Variants in COPS3 observed in about 807,000 individuals in gnomAD.
COPS3 encodes COP9 signalosome subunit 3, also known as COP9 signalosome complex subunit 3.
Under a neutral mutation model 58.2 loss-of-function variants are expected in COPS3, and 10 were observed. The observed-to-expected ratio is 0.17, with a 90% confidence interval of 0.11 to 0.29. The LOEUF is 0.29. Among genes scored for constraint, COPS3 ranks in the 10% least tolerant of loss-of-function variants. The pLI is 1.00. For missense variants in COPS3, 333 were observed against 510.1 expected (o/e 0.65, Z 3.34); for synonymous variants, 187 against 181.7 (o/e 1.03, Z -0.24).
chr17:17,275,009 T>A (rs1295172335), intron 2 of COPS3, among the ~76,000 whole-genome samples: 2 of 152,010 alleles, frequency 1.3e-5, no homozygotes, highest in Non-Finnish European at 2.9e-5. Flanking sequence ...ATCTTTAACT[T>A]AAGCTGCTGC....
intron 9 of COPS3, among the ~76,000 whole-genome samples, chr17:17,251,857 CAGG>C (rs1372867506): frequency 1.3e-5 from 2 of 151,732 alleles, no homozygotes; most frequent in African/African-American, 4.8e-5. Context: ...AGGCCGAGGT[CAGG>C]AGATCAAGAC....
intron 9 of COPS3, 50 bp downstream of exon 9, chr17:17,254,809 A>G: frequency 8.0e-7 from 1 of 1,252,404 alleles, no homozygotes; most frequent in Non-Finnish European, 1.1e-6. Flanking sequence ...ACTCCATCTC[A>G]AAAAGAAAAA....
intron 10 of COPS3, chr17:17,247,921 G>A (rs2047758599): frequency 5.7e-6 from 1 of 174,666 alleles, no homozygotes; most frequent in Non-Finnish European, 1.2e-5. Context: ...TTAATATTCA[G>A]TTCACTTCCC....
chr17:17,271,832 A>C (rs1229527119), intron 2 of COPS3, among the ~76,000 whole-genome samples: 1 of 77,768 alleles, frequency 1.3e-5, no homozygotes, highest in Non-Finnish European at 2.7e-5. Context: ...AAAAAAATCT[A>C]TATATATCTA....
chr17:17,261,200 T>C (rs2145214496), intron 7 of COPS3, among the ~76,000 whole-genome samples: 1 of 152,280 alleles, frequency 6.6e-6, no homozygotes, highest in East Asian at 1.9e-4. Flanking sequence ...CCTCACCAGA[T>C]GCAACAGGAC....
At chr17:17,272,267 A>G (rs1388012737) in intron 2 of COPS3, among the ~76,000 whole-genome samples, 1 of 152,148 alleles carries the variant, frequency 6.6e-6, no homozygotes, top group African/African-American at 2.4e-5. Flanking sequence ...TACAAAAAAT[A>G]GAAAAATTAG....
At chr17:17,264,705 G>T in intron 6 of COPS3, 97 bp downstream of exon 6, 1 of 935,844 alleles carries the variant, frequency 1.1e-6, no homozygotes, top group Non-Finnish European at 1.6e-6. Context: ...CTGAAACGGA[G>T]GCCCTGGGAT....
intron 8 of COPS3, among the ~76,000 whole-genome samples, chr17:17,259,631 A>T (rs569782169): frequency 3.9e-5 from 6 of 152,318 alleles, no homozygotes; most frequent in African/African-American, 1.4e-4. Flanking sequence ...GCGGTGGTTC[A>T]TGTCTGTAAT....
rs1227203862 is a variant in COPS3 at position 17,281,124 on chromosome 17, G to A, written c.55+8C>T. 1 of 1,608,460 alleles carries A rather than the reference G, an allele frequency of 6.2e-7. No individual in the cohort carries two copies. Among genetic ancestry groups the A allele is most frequent in the Non-Finnish European group, 8.5e-7 (1 of 1,177,720 alleles). On this transcript the variant is annotated splice_region_variant and intron_variant, in intron 1 of 11. Coordinates refer to ENST00000268717, the MANE Select transcript of COPS3 (RefSeq NM_003653.4). ...GCCCATGCCCAGCCCGGCGGCCTAG[G>A]GCGTTACCTTGAGCTGAGAGCTGTC...
intron 1 of COPS3, 50 bp downstream of exon 1, chr17:17,281,082 G>A: frequency 6.3e-7 from 1 of 1,577,530 alleles, no homozygotes; most frequent in Non-Finnish European, 8.6e-7. Context: ...GGGGATCCAG[G>A]CCAGTTCCCG....
intron 1 of COPS3, among the ~76,000 whole-genome samples, chr17:17,276,942 A>T (rs2048473205): frequency 6.6e-6 from 1 of 152,080 alleles, no homozygotes; most frequent in South Asian, 2.1e-4. Flanking sequence ...TATTCCAATG[A>T]CTTTAAGAAG....
At chr17:17,279,595 A>G (rs1396537325) in intron 1 of COPS3, among the ~76,000 whole-genome samples, 2 of 151,824 alleles carry the variant, frequency 1.3e-5, no homozygotes, top group East Asian at 3.8e-4. Flanking sequence ...GTGAGGTAAA[A>G]GCACCCCTCC....
intron 8 of COPS3, among the ~76,000 whole-genome samples, chr17:17,258,055 G>A (rs2048017262): frequency 6.6e-6 from 1 of 152,206 alleles, no homozygotes; most frequent in African/African-American, 2.4e-5. Context: ...TGCCAAAAAT[G>A]GAGCAGCCAC....
At chr17:17,270,656 G>GGTCA in intron 4 of COPS3, 102 bp downstream of exon 4, 1 of 1,011,056 alleles carries the variant, frequency 9.9e-7, no homozygotes, top group Non-Finnish European at 1.5e-6. Flanking sequence ...ATATCTAGGT[G>GGTCA]GTGGATGCTC....
chr17:17,278,161 A>G (rs1206349295), intron 1 of COPS3, among the ~76,000 whole-genome samples: 1 of 152,118 alleles, frequency 6.6e-6, no homozygotes, highest in Non-Finnish European at 1.5e-5. Flanking sequence ...GGGGGAAAAA[A>G]AAAATTAGGC....
chr17:17,274,967 A>C (rs1451841796), intron 2 of COPS3, among the ~76,000 whole-genome samples: 2 of 151,954 alleles, frequency 1.3e-5, no homozygotes, highest in African/African-American at 4.8e-5. Context: ...TGTCAGTGTT[A>C]TTCTCAGATA....
Position 17,263,235 on chromosome 17 carries a change from C to A in COPS3, c.622-1129G>T, listed in dbSNP as rs190606545. On this transcript the variant is annotated intron_variant, in intron 6 of 11. Transcript: ENST00000268717. ...CCCGGGAGGCGGAGCTTGCGGTGAG[C>A]CGAGATCGTGCCACTGCACTCCAGC... 9.9e-3 allele frequency among the ~76,000 whole-genome samples: 1,479 copies of A among 150,046 alleles called. 5 individuals are homozygous for A. Among genetic ancestry groups the A allele is most frequent in the Non-Finnish European group, 0.016 (1,084 of 67,544 alleles).
At chr17:17,256,136 G>A (rs948710205) in intron 8 of COPS3, among the ~76,000 whole-genome samples, 17 of 148,582 alleles carry the variant, frequency 1.1e-4, no homozygotes, top group Non-Finnish European at 1.9e-4. Context: ...CCAAGATCAC[G>A]CCACTGCACT....
chr17:17,268,842 AACAAC>A lies in COPS3; in HGVS notation c.349-870_349-866del, dbSNP rs1351154217. ...TCAAAAAAACAACAACAACAACAAC[AACAAC>A]AAAAATATATATATATATATGTGAA... On this transcript the variant is annotated intron_variant, in intron 4 of 11. Coordinates refer to ENST00000268717, the MANE Select transcript of COPS3 (RefSeq NM_003653.4). Among the ~76,000 whole-genome samples the A allele has an allele frequency of 1.7e-3, 241 of 145,206 alleles. 1 individual carries two copies. Among genetic ancestry groups the A allele is most frequent in the African/African-American group, 6.3e-3 (228 of 36,430 alleles).
Sources: allele counts gnomAD v4.1 joint callset (sites outside exome capture counted in the v4.1 genomes callset), GRCh38; gene constraint gnomAD v4.1.1; transcripts MANE v1.5; gene names NCBI Gene and HGNC (gene_info 2026-07-23, HGNC 2026-07-21).